Variants in XKR9 observed in about 807,000 individuals in gnomAD.
XKR9 encodes the protein XK related 9.
Under a neutral mutation model 32.0 loss-of-function variants are expected in XKR9, and 32 were observed. That is an observed-to-expected ratio of 1.00 (90% CI 0.76 to 1.34). The LOEUF (loss-of-function observed/expected upper bound fraction) is 1.34, where lower values mean the gene tolerates loss of function less well. Ranked by LOEUF, XKR9 falls within the 40% of genes most tolerant of loss-of-function variation. XKR9 has a pLI of 0.00. For synonymous variants in XKR9, 168 were observed against 143.4 expected (o/e 1.17, Z -1.22); for missense variants, 546 against 429.7 (o/e 1.27, Z -2.39).
At chr8:70,918,509 A>G in the XKR9 span, among the ~76,000 whole-genome samples, 1 of 152,004 alleles carries the variant, frequency 6.6e-6, no homozygotes, top group Non-Finnish European at 1.5e-5. Context: ...TGGGGTGTGA[A>G]CTCAGTTGCC....
the XKR9 span, among the ~76,000 whole-genome samples, chr8:70,885,016 ACT>A: frequency 6.6e-6 from 1 of 152,050 alleles, no homozygotes; most frequent in Non-Finnish European, 1.5e-5. Context: ...ACATGGAATA[ACT>A]CTCCATTTGT....
the XKR9 span, among the ~76,000 whole-genome samples, chr8:70,802,082 G>A: frequency 5.3e-4 from 81 of 151,754 alleles, no homozygotes; most frequent in African/African-American, 1.4e-3. Context: ...GACTACAGGC[G>A]CCCACCACCA....
the XKR9 span, among the ~76,000 whole-genome samples, chr8:70,974,005 A>G: frequency 6.6e-6 from 1 of 152,136 alleles, no homozygotes; most frequent in Admixed American, 6.6e-5. Context: ...GTTTAAGTCC[A>G]TTGTTTCTTT....
chr8:70,958,571 G>T, the XKR9 span, among the ~76,000 whole-genome samples: 11 of 152,246 alleles, frequency 7.2e-5, no homozygotes, highest in Admixed American at 7.2e-4. Flanking sequence ...GTAGATTTAA[G>T]TTCCTTGTAA....
the XKR9 span, among the ~76,000 whole-genome samples, chr8:70,810,320 C>T: frequency 1.3e-5 from 2 of 152,212 alleles, no homozygotes; most frequent in Middle Eastern, 3.2e-3. Context: ...CAACCGGTAA[C>T]AGCCACTGCA....
intron 3 of XKR9, among the ~76,000 whole-genome samples, chr8:70,704,468 T>G (rs1342910895): frequency 6.6e-6 from 1 of 152,180 alleles, no homozygotes; most frequent in African/African-American, 2.4e-5. Flanking sequence ...TTACATATAT[T>G]AACTCATTTA....
In XKR9 at chr8:70,734,742, T is replaced by C. The variant is rs1257676880; in HGVS notation, c.*318T>C. Reference sequence around the variant, plus strand: ...CCCATTTTCCTTGTTCCTGAACTAATACTACTGTACCTGTTATGGAGGACT... The same window carrying C: ...CCCATTTTCCTTGTTCCTGAACTAACACTACTGTACCTGTTATGGAGGACT... On this transcript the variant is annotated 3_prime_UTR_variant, in exon 5 of 5. Transcript: ENST00000408926. The C allele has an allele frequency of 5.1e-6, 1 of 194,466 alleles. No homozygotes were observed. The allele number at this position is 194,466 out of a possible 1,614,324, so 12.0% of individuals were successfully genotyped here.
chr8:70,814,522 C>G, the XKR9 span, among the ~76,000 whole-genome samples: 1 of 151,428 alleles, frequency 6.6e-6, no homozygotes, highest in South Asian at 2.1e-4. Context: ...TCTCAATAGA[C>G]GTCGAAGAAA....
the XKR9 span, among the ~76,000 whole-genome samples, chr8:70,804,406 C>A: frequency 1.3e-5 from 2 of 152,214 alleles, no homozygotes; most frequent in Non-Finnish European, 2.9e-5. Flanking sequence ...TACAGTACAA[C>A]TTATAGATTC....
chr8:70,972,129 T>C, the XKR9 span, among the ~76,000 whole-genome samples: 23 of 152,202 alleles, frequency 1.5e-4, no homozygotes, highest in Non-Finnish European at 2.2e-4. Context: ...ATCTATGATT[T>C]CTTTCAGTAG....
At chr8:70,686,227 A>G (rs1251085778) in intron 3 of XKR9, among the ~76,000 whole-genome samples, 1 of 135,946 alleles carries the variant, frequency 7.4e-6, no homozygotes, top group African/African-American at 2.7e-5. Context: ...CACTTTAAAT[A>G]TTTCACTCCA....
chr8:70,712,078 T>G, intron 4 of XKR9, among the ~76,000 whole-genome samples: 1 of 152,182 alleles, frequency 6.6e-6, no homozygotes, highest in East Asian at 1.9e-4. Flanking sequence ...GTGCTTTTAT[T>G]TCTGTTCCTT....
the XKR9 span, among the ~76,000 whole-genome samples, chr8:70,873,093 T>A: frequency 1.3e-5 from 2 of 152,190 alleles, no homozygotes; most frequent in East Asian, 3.8e-4. Flanking sequence ...AGCACATATG[T>A]TTACAGCATA....
At chr8:70,752,063 T>G (rs1563468110) in intron 2 of XKR9, among the ~76,000 whole-genome samples, 1 of 152,232 alleles carries the variant, frequency 6.6e-6, no homozygotes, top group Non-Finnish European at 1.5e-5. Flanking sequence ...ATTGATTTTT[T>G]TGTCTTTGGA....
chr8:71,029,443 A>G, the XKR9 span, among the ~76,000 whole-genome samples: 1 of 152,166 alleles, frequency 6.6e-6, no homozygotes, highest in African/African-American at 2.4e-5. Flanking sequence ...TCTTAATCTA[A>G]TACTGTGCCA....
chr8:70,997,608 C>T, the XKR9 span, among the ~76,000 whole-genome samples: 18 of 146,246 alleles, frequency 1.2e-4, no homozygotes, highest in Non-Finnish European at 1.8e-4. Flanking sequence ...GTTGGGGACA[C>T]GGGGGAAAGG....
chr8:70,810,454 T>G, the XKR9 span, among the ~76,000 whole-genome samples: 1 of 152,130 alleles, frequency 6.6e-6, no homozygotes, highest in Non-Finnish European at 1.5e-5. Context: ...TAACTTTAAA[T>G]GTAAATGGGC....
the XKR9 span, among the ~76,000 whole-genome samples, chr8:70,996,899 A>G: frequency 1.3e-5 from 2 of 152,228 alleles, no homozygotes; most frequent in Admixed American, 6.5e-5. Context: ...CAAAGATGCC[A>G]AGAAGAATCT....
At chr8:70,934,989 T>C in the XKR9 span, among the ~76,000 whole-genome samples, 40 of 151,422 alleles carry the variant, frequency 2.6e-4, no homozygotes, top group Admixed American at 1.6e-3. Context: ...CATCCCTCCA[T>C]ATGTGTTTGG....
Sources: allele counts gnomAD v4.1 joint callset (sites outside exome capture counted in the v4.1 genomes callset), GRCh38; gene constraint gnomAD v4.1.1; transcripts MANE v1.5; gene names NCBI Gene and HGNC (gene_info 2026-07-23, HGNC 2026-07-21).